Variants in SNED1 observed in about 807,000 individuals in gnomAD.
The protein encoded by SNED1 is sushi, nidogen and EGF like domains 1.
SNED1 carries 81 observed loss-of-function variants against 166.7 expected under a neutral mutation model. The ratio of observed to expected loss-of-function variants is 0.49; its 90% CI spans 0.41 to 0.58. The LOEUF is 0.58. Among genes scored for constraint, SNED1 ranks in the 20% least tolerant of loss-of-function variants. The pLI is 0.00. For missense variants in SNED1, 1,604 were observed against 2,000.2 expected (o/e 0.80, Z 3.78); for synonymous variants, 762 against 822.0 (o/e 0.93, Z 1.25).
chr2:241,086,809 C>T (rs2063605712), intron 29 of SNED1, among the ~76,000 whole-genome samples: 1 of 152,238 alleles, frequency 6.6e-6, no homozygotes, highest in Non-Finnish European at 1.5e-5. Flanking sequence ...AAAACGCCTT[C>T]CCATCCATTA....
intron 16 of SNED1, among the ~76,000 whole-genome samples, 174 bp from the exon 17 acceptor site, chr2:241,062,617 C>G (rs1366269484): frequency 6.6e-6 from 1 of 152,196 alleles, no homozygotes; most frequent in Non-Finnish European, 1.5e-5. Context: ...GCACTGAGCC[C>G]CAGGCCCACT....
At chr2:241,057,709 T>G (rs2062103371) in intron 16 of SNED1, among the ~76,000 whole-genome samples, 1 of 151,936 alleles carries the variant, frequency 6.6e-6, no homozygotes, top group African/African-American at 2.4e-5. Flanking sequence ...AGAAATAAAC[T>G]TAATACCTAA....
intron 27 of SNED1, among the ~76,000 whole-genome samples, chr2:241,077,332 TAGG>T (rs1027014315): frequency 6.6e-6 from 1 of 152,150 alleles, no homozygotes; most frequent in Non-Finnish European, 1.5e-5. Context: ...GAAGAAAACA[TAGG>T]AGTAAATCTT....
At chr2:241,032,971 T>C (rs1184618704) in intron 2 of SNED1, among the ~76,000 whole-genome samples, 1 of 152,218 alleles carries the variant, frequency 6.6e-6, no homozygotes, top group Non-Finnish European at 1.5e-5. Context: ...ATCTTATGGA[T>C]TTTTTTAAGT....
At chr2:241,006,695 C>T (rs762303037) in intron 1 of SNED1, among the ~76,000 whole-genome samples, 1 of 152,218 alleles carries the variant, frequency 6.6e-6, no homozygotes, top group East Asian at 1.9e-4. Context: ...TGTCTACCTA[C>T]ATCCACAGTT....
chr2:241,061,661 C>T (rs13431130), intron 16 of SNED1, among the ~76,000 whole-genome samples: 2,282 of 152,018 alleles, frequency 0.015, 68 homozygotes, highest in African/African-American at 0.051. Context: ...CTGAGGCAGG[C>T]GGATCACGAA....
At chr2:241,074,294 C>T (rs1003145725) in intron 27 of SNED1, 12 of 152,234 alleles carry the variant, frequency 7.9e-5, no homozygotes, top group South Asian at 2.1e-4. Context: ...CCATCCCCCC[C>T]CCGCCCTCAC....
intron 6 of SNED1, 111 bp from the exon 7 acceptor site, chr2:241,039,964 T>G (rs1272348662): frequency 5.8e-6 from 5 of 860,106 alleles, no homozygotes; most frequent in Non-Finnish European, 9.1e-6. Context: ...CAGGCCCCCC[T>G]GCAATGTAAG....
At chr2:241,048,288 C>T (rs1324755798) in intron 8 of SNED1, 27 bp from the exon 9 acceptor site, 22 of 1,572,380 alleles carry the variant, frequency 1.4e-5, no homozygotes, top group Non-Finnish European at 1.9e-5. Flanking sequence ...CCTGCGTGGC[C>T]GCTGGTGACT....
chr2:241,035,564 G>C (rs1332066121), intron 4 of SNED1: 1 of 152,220 alleles, frequency 6.6e-6, no homozygotes, highest in Non-Finnish European at 1.5e-5. Context: ...CCGCAGTGAG[G>C]CTCGCACCGG....
intron 16 of SNED1, among the ~76,000 whole-genome samples, chr2:241,058,652 A>G (rs949895808): frequency 5.9e-5 from 9 of 152,212 alleles, no homozygotes; most frequent in African/African-American, 2.2e-4. Flanking sequence ...ATTTCCTTGA[A>G]AAGATCATTA....
rs933898827 is a variant in SNED1 at position 241,064,265 on chromosome 2, TCC to T, written c.2599+143_2599+144del. ...CGCCCTCTGCCCGCCGCCTTGGAAGTCCCCTTCTCAGGCCAGTGGCCCTCCGC... is the reference window on the plus strand; with the variant it reads ...CGCCCTCTGCCCGCCGCCTTGGAAGTCCTTCTCAGGCCAGTGGCCCTCCGC... On this transcript the variant is annotated intron_variant, in intron 19 of 31. Coordinates refer to ENST00000310397, the MANE Select transcript of SNED1 (RefSeq NM_001080437.3). This position sits in a 1 kb window ranked among gnomAD's most constrained non-coding sequence, Gnocchi z 7.0. The T allele has an allele frequency of 1.1e-5, 7 of 614,848 alleles. No individual in the cohort carries two copies. The highest frequency in any genetic ancestry group is 1.9e-5 in the Non-Finnish European group (7 of 364,710). 38.1% of individuals were successfully genotyped at this position (614,848 alleles called of 1,614,324 possible).
intron 29 of SNED1, among the ~76,000 whole-genome samples, chr2:241,086,351 T>A (rs1186964812): frequency 1.4e-5 from 1 of 70,838 alleles, no homozygotes; most frequent in East Asian, 3.7e-4. Flanking sequence ...CTCTGCATAG[T>A]TCCCTCCTCT....
At chr2:241,017,251 C>T (rs1244997969) in intron 1 of SNED1, among the ~76,000 whole-genome samples, 3 of 152,164 alleles carry the variant, frequency 2.0e-5, no homozygotes, top group Non-Finnish European at 4.4e-5. Flanking sequence ...TGATGGGTGC[C>T]GGCAGAAAGC....
At chr2:241,055,151 G>A (rs1438300250) in intron 16 of SNED1, among the ~76,000 whole-genome samples, 4 of 152,010 alleles carry the variant, frequency 2.6e-5, no homozygotes, top group African/African-American at 9.7e-5. Context: ...GTGCTGTAGA[G>A]GGTAGAAGGT....
chr2:241,053,595 A>G (rs747235429), intron 16 of SNED1, among the ~76,000 whole-genome samples: 2 of 152,016 alleles, frequency 1.3e-5, no homozygotes, highest in African/African-American at 2.4e-5. Flanking sequence ...CCAAATACCC[A>G]CTCTGCAGAT....
Position 241,068,051 on chromosome 2 carries a change from C to A in SNED1, c.3194+104C>A, listed in dbSNP as rs1575044039. 1 of 557,218 alleles carries A rather than the reference C, an allele frequency of 1.8e-6. No homozygotes were observed. Among genetic ancestry groups the A allele is most frequent in the South Asian group, 3.3e-5 (1 of 30,278 alleles). The allele number at this position is 557,218 out of a possible 1,614,324, so 34.5% of individuals were successfully genotyped here. On this transcript the variant is annotated intron_variant, in intron 22 of 31. Coordinates refer to ENST00000310397, the MANE Select transcript of SNED1 (RefSeq NM_001080437.3). The surrounding 1 kb of genome is among the most constrained non-coding windows in gnomAD (Gnocchi z 5.3). ...GCACATTCTCCGTGTGTGGACTGTA[C>A]CACCTGCCGCTCCTCACCTGAGCGG...
intron 27 of SNED1, among the ~76,000 whole-genome samples, chr2:241,077,637 G>A (rs1177350116): frequency 6.6e-6 from 1 of 152,076 alleles, no homozygotes; most frequent in African/African-American, 2.4e-5. Context: ...AAAATAAAGA[G>A]CTCTGACAAC....
At chr2:241,024,101 G>A (rs114273571) in intron 1 of SNED1, among the ~76,000 whole-genome samples, 2,109 of 150,864 alleles carry the variant, frequency 0.014, 21 homozygotes, top group Non-Finnish European at 0.015. Flanking sequence ...GGCCATGGCT[G>A]GTCTCAAACT....
Sources: allele counts gnomAD v4.1 joint callset (sites outside exome capture counted in the v4.1 genomes callset), GRCh38; gene constraint gnomAD v4.1.1; non-coding constraint Gnocchi (gnomAD v3.1); transcripts MANE v1.5; gene names NCBI Gene and HGNC (gene_info 2026-07-23, HGNC 2026-07-21).